The following CDC7 variants were observed in gnomAD, a reference collection of about 807,000 sequenced individuals.
CDC7 encodes cell division cycle 7-related protein kinase.
Under a neutral mutation model 53.5 loss-of-function variants are expected in CDC7, and 34 were observed. That is an observed-to-expected ratio of 0.64 (90% confidence interval 0.48 to 0.85). CDC7 has a LOEUF of 0.85. Among genes scored for constraint, CDC7 ranks in the 40% least tolerant of loss-of-function variants. The pLI is 0.00. For missense variants in CDC7, 594 were observed against 679.7 expected, an observed-to-expected ratio of 0.87 and a Z score of 1.40; for synonymous variants, 211 against 222.8, an observed-to-expected ratio of 0.95 and a Z score of 0.47.
intron 4 of CDC7, among the ~76,000 whole-genome samples, chr1:91,509,931 T>C (rs1175521742): frequency 6.6e-6 from 1 of 152,182 alleles, no homozygotes; most frequent in African/African-American, 2.4e-5. Context: ...CATCTTCTGA[T>C]CTGAGCAAGA....
intron 4 of CDC7, among the ~76,000 whole-genome samples, chr1:91,509,646 T>C (rs1474914332): frequency 3.9e-5 from 6 of 152,196 alleles, no homozygotes; most frequent in Admixed American, 1.3e-4. Flanking sequence ...ATTCTGTCTT[T>C]ACACAGCAGC....
At position 91,511,798 on chromosome 1, in the gene CDC7, T is replaced by C. The variant is rs1183351790; in HGVS notation, c.447T>C (p.Leu149=). 2 of 1,605,152 alleles carry C rather than the reference T, an allele frequency of 1.2e-6. No homozygotes were observed. Among genetic ancestry groups the C allele is most frequent in the South Asian group, 2.2e-5 (2 of 89,988 alleles). Residue 149 remains leucine, a synonymous_variant, in exon 6 of 12, where the codon CTT becomes CTC. Transcript: ENST00000234626. ...TGTTTTAGGACATTCTGAATTCTCT[T>C]TCCTTTCAAGAAGTACGGGAATATA... ...HESFLDILNS[L]SFQEVREYML... is the part of the protein sequence containing the mutation.
chr1:91,511,037 C>T (rs1193162750), intron 4 of CDC7, among the ~76,000 whole-genome samples: 1 of 152,078 alleles, frequency 6.6e-6, no homozygotes, highest in Non-Finnish European at 1.5e-5. Context: ...AGTCCCTTGT[C>T]TAGATAACTC....
At position 91,525,600 on chromosome 1, in the gene CDC7, TTTG is replaced by T. The variant is rs1668226477; in HGVS notation, c.*1168_*1170del. On this transcript the variant is annotated 3_prime_UTR_variant, in exon 12 of 12. Transcript: ENST00000234626. ...AAATAGTTTAGGGACATGTATTCAT[TTTG>T]TTATTTTGAGCATTGATAGGTCAGT... 6.6e-6 allele frequency: 1 copy of T among 152,214 alleles called. No individual in the cohort carries two copies. Among genetic ancestry groups the T allele is most frequent in the African/African-American group, 2.4e-5 (1 of 41,546 alleles). 9.4% of individuals were successfully genotyped at this position (152,214 alleles called of 1,614,324 possible).
chr1:91,510,986 T>C (rs1667257505), intron 4 of CDC7, among the ~76,000 whole-genome samples: 1 of 152,140 alleles, frequency 6.6e-6, no homozygotes, highest in South Asian at 2.1e-4. Flanking sequence ...TCTCTGCAGG[T>C]ACTCTCACTG....
chr1:91,501,053 C>G (rs960222485), intron 1 of CDC7, 105 bp downstream of exon 1: 7 of 152,366 alleles, frequency 4.6e-5, no homozygotes, highest in African/African-American at 1.4e-4. Context: ...TTTTCCCGCC[C>G]CCCTTCGGAT....
At chr1:91,517,019 C>T (rs192143403) in intron 10 of CDC7, among the ~76,000 whole-genome samples, 14 of 152,106 alleles carry the variant, frequency 9.2e-5, no homozygotes, top group East Asian at 3.9e-4. Flanking sequence ...GAGCCAAGAT[C>T]GCACCATTGC....
Position 91,501,651 on chromosome 1 carries a change from CA to C in CDC7, c.-63-2del. ...AATTTCTCTAGTGTTCTAATTTTCA[CA>C]GCTGCTTTGCTCCCCCTGTGGATGT... On this transcript the variant is annotated splice_acceptor_variant, in intron 1 of 11. Transcript: ENST00000234626. LOFTEE classifies it low-confidence loss of function (5UTR_SPLICE). 1 of 1,130,778 alleles carries C rather than the reference CA, an allele frequency of 8.8e-7. No individual in the cohort carries two copies. Among genetic ancestry groups the C allele is most frequent in the Non-Finnish European group, 1.3e-6 (1 of 752,934 alleles). 70.0% of individuals were successfully genotyped at this position (1,130,778 alleles called of 1,614,324 possible). A position where few individuals can be genotyped will look rare whatever the true frequency, so the allele number is the denominator to read the frequency against.
intron 2 of CDC7, among the ~76,000 whole-genome samples, chr1:91,504,051 A>T (rs985336263): frequency 1.3e-5 from 2 of 151,822 alleles, no homozygotes; most frequent in African/African-American, 4.8e-5. Flanking sequence ...TGTAATGCAC[A>T]AACTATCTGG....
At chr1:91,522,674 A>G (rs539048) in intron 11 of CDC7, among the ~76,000 whole-genome samples, 1 of 152,140 alleles carries the variant, frequency 6.6e-6, no homozygotes, top group Non-Finnish European at 1.5e-5. Flanking sequence ...AACTATATGA[A>G]TATTCCCCCC....
chr1:91,517,351 G>A (rs1667616983), intron 10 of CDC7, among the ~76,000 whole-genome samples: 1 of 152,168 alleles, frequency 6.6e-6, no homozygotes, highest in Non-Finnish European at 1.5e-5. Flanking sequence ...AAAGAAAAGT[G>A]AAGGGTTAGA....
At chr1:91,507,505 T>A (rs1300454226) in intron 2 of CDC7, among the ~76,000 whole-genome samples, 1 of 152,204 alleles carries the variant, frequency 6.6e-6, no homozygotes, top group Non-Finnish European at 1.5e-5. Context: ...TCGCAATGTG[T>A]CCTTGTCATG....
chr1:91,518,522 G>T (rs1343533288), intron 10 of CDC7, among the ~76,000 whole-genome samples: 1 of 152,144 alleles, frequency 6.6e-6, no homozygotes, highest in Non-Finnish European at 1.5e-5. Flanking sequence ...TAAAGAAAAT[G>T]TGGTACTTAC....
chr1:91,506,589 C>G (rs1571315265), intron 2 of CDC7, among the ~76,000 whole-genome samples: 1 of 152,156 alleles, frequency 6.6e-6, no homozygotes, highest in African/African-American at 2.4e-5. Context: ...TTAGTGGCTG[C>G]ATCAAATTTA....
chr1:91,506,681 G>A (rs13447481), intron 2 of CDC7, among the ~76,000 whole-genome samples: 1,580 of 152,126 alleles, frequency 0.01, 21 homozygotes, highest in South Asian at 0.017. Context: ...CAGGTGCGGC[G>A]GCTCACACCT....
chr1:91,512,053 A>G, intron 6 of CDC7, 130 bp downstream of exon 6: 1 of 670,036 alleles, frequency 1.5e-6, no homozygotes, highest in Non-Finnish European at 2.3e-6. Flanking sequence ...GCAAATATTT[A>G]TCTCAGTTAC....
intron 9 of CDC7, 130 bp from the exon 10 acceptor site, chr1:91,515,664 T>A: frequency 9.7e-7 from 1 of 1,030,992 alleles, no homozygotes; most frequent in South Asian, 1.8e-5. Context: ...GATTATCATT[T>A]ACTTTATAGT....
chr1:91,516,103 G>T (rs1348464468), intron 10 of CDC7, among the ~76,000 whole-genome samples: 1 of 151,464 alleles, frequency 6.6e-6, no homozygotes, highest in Admixed American at 6.6e-5. Context: ...TTATTCCATA[G>T]ATTACATTTT....
At position 91,513,242 on chromosome 1, in the gene CDC7, A is replaced by G. The variant is rs199901223; in HGVS notation, c.757A>G (p.Lys253Glu). The G allele has an allele frequency of 5.0e-6, 8 of 1,613,568 alleles. No individual in the cohort carries two copies. The East Asian group carries it at 6.7e-5, about 13-fold the overall frequency. ...PKELDQQSTTKASVKRPYTNA... is the reference protein window; with the variant it reads ...PKELDQQSTTEASVKRPYTNA... The stretch of plus-strand genomic sequence containing the variant: ...GGAGCTGGATCAGCAGTCCACCACA[A>G]AAGCTTCTGTTAAAAGACCCTACAC... Residue 253 changes from lysine (K) to glutamate (E), a missense_variant, in exon 7 of 12, where the codon AAA becomes GAA. Transcript: ENST00000234626.
Sources: allele counts gnomAD v4.1 joint callset (sites outside exome capture counted in the v4.1 genomes callset), GRCh38; gene constraint gnomAD v4.1.1; transcripts MANE v1.5; gene names NCBI Gene and HGNC (gene_info 2026-07-23, HGNC 2026-07-21).